C9orf50: variants seen among roughly 807,000 people sequenced by gnomAD.
C9orf50 encodes chromosome 9 open reading frame 50.
Under a neutral mutation model 42.5 loss-of-function variants are expected in C9orf50, and 33 were observed. The observed-to-expected ratio is 0.78, with a 90% CI of 0.59 to 1.04. The LOEUF is 1.04. Among genes scored for constraint, C9orf50 ranks in the 50% least tolerant of loss-of-function variants. The pLI is 0.00. For missense variants in C9orf50, 547 were observed against 594.3 expected (o/e 0.92, Z 0.83); for synonymous variants, 257 against 273.4 (o/e 0.94, Z 0.59).
exon 7 of C9orf50, chr9:129,612,322 C>A (rs78833435): frequency 0.16 from 250,316 of 1,589,356 alleles, 22,940 homozygotes; most frequent in Admixed American, 0.32. Flanking sequence ...CCCATGTGTG[C>A]CCCTGGCCTT....
intron 3 of C9orf50, among the ~76,000 whole-genome samples, chr9:129,616,048 G>A (rs1564335233): frequency 6.6e-6 from 1 of 152,166 alleles, no homozygotes; most frequent in Non-Finnish European, 1.5e-5. Flanking sequence ...GAGTCATGCA[G>A]TCCTGGGTTT....
chr9:129,618,490 T>A (rs768968557), intron 3 of C9orf50, among the ~76,000 whole-genome samples: 23 of 152,078 alleles, frequency 1.5e-4, no homozygotes, highest in Non-Finnish European at 2.5e-4. Flanking sequence ...GAACTATGAA[T>A]GTATGGGTAG....
rs146176082 is a variant in C9orf50 at position 129,613,587 on chromosome 9, G to T, written c.891C>A (p.Ser297Arg). The change falls in exon 5 of 7, where the codon AGC becomes AGA. Residue 297 changes from serine (S) to arginine (R), a missense_variant. Around this residue, in one of 3 missense-constraint regions of C9orf50, gnomAD observed 334 missense variants for 323.7 expected, o/e 1.03. Transcript: ENST00000372478. The surrounding 1 kb of genome is among the most constrained non-coding windows in gnomAD (Gnocchi z 6.2). ...GGGCGGCCTTCTGGTTCACAATGAC[G>T]CTCTGTTGGACTGCAGGAAAGAGGG... 1.2e-6 allele frequency: 2 copies of T among 1,613,962 alleles called. No individual in the cohort carries two copies. The highest frequency in any genetic ancestry group is 1.7e-5 in the Admixed American group (1 of 60,002).
At chr9:129,619,430 T>G in intron 3 of C9orf50, 90 bp downstream of exon 3, 2 of 918,930 alleles carry the variant, frequency 2.2e-6, no homozygotes, top group Non-Finnish European at 3.4e-6. Context: ...GGTGGATAAA[T>G]GAATACATTC....
At position 129,613,490 on chromosome 9, in the gene C9orf50, G is replaced by C. The variant is rs1039006654; in HGVS notation, c.988C>G (p.Pro330Ala). 2.5e-6 allele frequency: 4 copies of C among 1,614,046 alleles called. No homozygotes were observed. The African/African-American group carries it at 5.3e-5, about 22-fold the overall frequency. Residue 330 changes from proline to alanine, a missense_variant, in exon 5 of 7, where the codon CCT (proline) becomes GCT (alanine). By Grantham distance (27) the Pro-to-Ala change is conservative. Coordinates refer to ENST00000372478, the Ensembl canonical transcript of C9orf50. The surrounding 1 kb of genome is among the most constrained non-coding windows in gnomAD (Gnocchi z 6.2). ...GCCAGGGTCTCCTCCTTGGCCCCAGGGTACAGGGCTTTGGGCAAACTCTCC... is the reference window on the plus strand; with the variant it reads ...GCCAGGGTCTCCTCCTTGGCCCCAGCGTACAGGGCTTTGGGCAAACTCTCC...
chr9:129,621,073 A>ACGGCATCAC (rs1246749648), upstream of C9orf50, among the ~76,000 whole-genome samples: 1 of 152,192 alleles, frequency 6.6e-6, no homozygotes, highest in African/African-American at 2.4e-5. Flanking sequence ...CAGCCGTGAA[A>ACGGCATCAC]CGGCATCACC....
rs759160294 is a variant in C9orf50, at chr9:129,613,189, A to G, written c.1106T>C (p.Phe369Ser). ...AGCAGCGGCCTTCTTCCATGAACAG[A>G]AGGGCAGGCTGCTGTTCATGGAGGT... Residue 369 changes from phenylalanine (F) to serine (S), a missense_variant, in exon 6 of 7, where the codon TTC (phenylalanine) becomes TCC (serine). Physicochemically the swap from Phe to Ser is radical, Grantham distance 155. Coordinates refer to ENST00000372478, the Ensembl canonical transcript of C9orf50. The surrounding 1 kb of genome is among the most constrained non-coding windows in gnomAD (Gnocchi z 6.2). 1 of 1,613,598 alleles carries G rather than the reference A, an allele frequency of 6.2e-7. No homozygotes were observed. Among genetic ancestry groups the G allele is most frequent in the Non-Finnish European group, 8.5e-7 (1 of 1,179,976 alleles).
chr9:129,620,521 G>A lies in C9orf50; in HGVS notation c.54C>T (p.Leu18=). Residue 18 remains leucine (L), a synonymous_variant, in exon 1 of 7, where the codon CTC becomes CTT. Coordinates refer to ENST00000372478, the Ensembl canonical transcript of C9orf50. This position sits in a 1 kb window ranked among gnomAD's most constrained non-coding sequence, Gnocchi z 5.8. Reference sequence around the variant, plus strand: ...TGCGTCGGAAGTCTCCGTCGCCAGGGAGCCCCTTGGGCGCCAGGTCCTGGG... The same window carrying A: ...TGCGTCGGAAGTCTCCGTCGCCAGGAAGCCCCTTGGGCGCCAGGTCCTGGG... 1 of 1,445,228 alleles carries A rather than the reference G, an allele frequency of 6.9e-7. No individual in the cohort carries two copies. Among genetic ancestry groups the A allele is most frequent in the African/African-American group, 1.5e-5 (1 of 68,730 alleles). The allele number at this position is 1,445,228 out of a possible 1,614,324, so 89.5% of individuals were successfully genotyped here.
chr9:129,612,338 C>A, exon 7 of C9orf50: 1 of 1,610,516 alleles, frequency 6.2e-7, no homozygotes, highest in South Asian at 1.1e-5. Flanking sequence ...GCCTTGGGTT[C>A]GCGAGTGTTC....
intron 3 of C9orf50, 46 bp from the exon 4 acceptor site, chr9:129,615,693 C>A: frequency 1.3e-6 from 2 of 1,486,566 alleles, no homozygotes; most frequent in South Asian, 2.7e-5. Context: ...CCCACCGTAC[C>A]CCAGCACACA....
rs1036397309 is a variant in C9orf50 at position 129,620,196 on chromosome 9, G to GA, written c.378_379insT (p.Pro127SerfsTer27). Reference sequence around the variant, plus strand: ...TCCTCCCTGGCCACGCGCCTCCGGGGGCGCTCGCGCTCTCCAGGCCCTGGC... The same window carrying GA: ...TCCTCCCTGGCCACGCGCCTCCGGGGAGCGCTCGCGCTCTCCAGGCCCTGGC... On this transcript the variant is annotated frameshift_variant, in exon 1 of 7. Coordinates refer to ENST00000372478, the Ensembl canonical transcript of C9orf50. LOFTEE classifies it high-confidence loss of function. This position sits in a 1 kb window ranked among gnomAD's most constrained non-coding sequence, Gnocchi z 5.8. 2.8e-5 allele frequency: 41 copies of GA among 1,450,288 alleles called. No homozygotes were observed. The South Asian group carries it at 5.5e-4, about 19-fold the overall frequency. 89.8% of individuals were successfully genotyped at this position (1,450,288 alleles called of 1,614,324 possible).
exon 4 of C9orf50, chr9:129,615,492 C>T: frequency 1.3e-6 from 2 of 1,596,786 alleles, no homozygotes; most frequent in South Asian, 1.1e-5. Flanking sequence ...ACCTGAGCGT[C>T]TGCGCTCCCA....
chr9:129,620,024 G>A lies in C9orf50; in HGVS notation c.508+43C>T. 6 of 1,456,976 alleles carry A rather than the reference G, an allele frequency of 4.1e-6. No homozygotes were observed. Among genetic ancestry groups the A allele is most frequent in the Middle Eastern group, 4.2e-4 (2 of 4,798 alleles). 90.3% of individuals were successfully genotyped at this position (1,456,976 alleles called of 1,614,324 possible). ...GGGACACAAGGGACCACCCCCCACC[G>A]GAAATGACTCGGGCCCGCCCCCCGG... is the stretch of plus-strand genomic sequence containing the variant. On this transcript the variant is annotated intron_variant, in intron 1 of 6. Coordinates refer to ENST00000372478, the Ensembl canonical transcript of C9orf50. The surrounding 1 kb of genome is among the most constrained non-coding windows in gnomAD (Gnocchi z 5.8).
chr9:129,621,252 G>C (rs1050583787), upstream of C9orf50, among the ~76,000 whole-genome samples: 1 of 152,192 alleles, frequency 6.6e-6, no homozygotes, highest in African/African-American at 2.4e-5. Flanking sequence ...GAGACCCCTG[G>C]GTGGGGAGCC....
chr9:129,613,226 G>A lies in C9orf50; in HGVS notation c.1069C>T (p.Leu357Phe). 1 of 1,611,748 alleles carries A rather than the reference G, an allele frequency of 6.2e-7. No homozygotes were observed. The highest frequency in any genetic ancestry group is 1.1e-5 in the South Asian group (1 of 91,024). ...CTGTTCATGGAGGTGTCCTCAGAAA[G>A]GTAGCCCTGTGTCTTCTGGGTGGAC... The change falls in exon 6 of 7, where the codon CTT becomes TTT. Residue 357 changes from leucine to phenylalanine, a missense_variant. By Grantham distance (22) the Leu-to-Phe change is conservative. Transcript: ENST00000372478. This position sits in a 1 kb window ranked among gnomAD's most constrained non-coding sequence, Gnocchi z 6.2.
At chr9:129,612,984 C>T in intron 6 of C9orf50, 123 bp downstream of exon 6, 1 of 1,275,054 alleles carries the variant, frequency 7.8e-7, no homozygotes, top group Non-Finnish European at 1.1e-6. Context: ...CCCACGGTGA[C>T]TTGGCTCTCA....
Position 129,613,719 on chromosome 9 carries a change from C to G in C9orf50, c.881-122G>C. 8.0e-7 allele frequency: 1 copy of G among 1,254,186 alleles called. No homozygotes were observed. Among genetic ancestry groups the G allele is most frequent in the Non-Finnish European group, 1.1e-6 (1 of 907,802 alleles). 77.7% of individuals were successfully genotyped at this position (1,254,186 alleles called of 1,614,324 possible). On this transcript the variant is annotated intron_variant, in intron 4 of 6. Transcript: ENST00000372478. The surrounding 1 kb of genome is among the most constrained non-coding windows in gnomAD (Gnocchi z 6.2). ...GCCCTGTCTCCATGGCAACCCCAGG[C>G]TCCCCAGCGCCTTCTGGCTGCCTCC... is the stretch of plus-strand genomic sequence containing the variant.
Position 129,620,743 on chromosome 9 carries a change from G to T in C9orf50, c.-169C>A. On this transcript the variant is annotated 5_prime_UTR_variant, in exon 1 of 7. Coordinates refer to ENST00000372478, the Ensembl canonical transcript of C9orf50. This position sits in a 1 kb window ranked among gnomAD's most constrained non-coding sequence, Gnocchi z 5.8. ...GGACAGCGAGTGGCTTCAGGCGAGA[G>T]CTCCCAGAGCCTCTGTTTCCTCACC... 1 of 526,290 alleles carries T rather than the reference G, an allele frequency of 1.9e-6. No homozygotes were observed. The highest frequency in any genetic ancestry group is 2.9e-6 in the Non-Finnish European group (1 of 344,378). The allele number at this position is 526,290 out of a possible 1,614,324, so 32.6% of individuals were successfully genotyped here. A position where few individuals can be genotyped will look rare whatever the true frequency, so the allele number is the denominator to read the frequency against.
exon 3 of C9orf50, chr9:129,619,536 C>T: frequency 6.2e-7 from 1 of 1,613,676 alleles, no homozygotes; most frequent in Non-Finnish European, 8.5e-7. Context: ...GCCTTTCTGA[C>T]AGTGGTGAAT....
Sources: allele counts gnomAD v4.1 joint callset (sites outside exome capture counted in the v4.1 genomes callset), GRCh38; gene constraint gnomAD v4.1.1; regional missense constraint gnomAD v4.1.1; non-coding constraint Gnocchi (gnomAD v3.1); transcripts MANE v1.5; gene names NCBI Gene and HGNC (gene_info 2026-07-23, HGNC 2026-07-21).